Variants in PRKN observed in about 807,000 individuals in gnomAD.
PRKN encodes the protein parkin RBR E3 ubiquitin protein ligase.
Under a neutral mutation model 59.5 loss-of-function variants are expected in PRKN, and 56 were observed. The ratio of observed to expected loss-of-function variants is 0.94; its 90% CI spans 0.76 to 1.18. PRKN has a LOEUF of 1.18. Among genes scored for constraint, PRKN ranks in the 50% most tolerant of loss-of-function variants. The pLI, the probability that PRKN is intolerant of heterozygous loss-of-function variation, is 0.00. For missense variants in PRKN, 657 were observed against 596.4 expected (o/e 1.10, Z -1.06); for synonymous variants, 250 against 222.1 (o/e 1.13, Z -1.12).
intron 1 of PRKN, among the ~76,000 whole-genome samples, chr6:162,582,957 T>C (rs1780846002): frequency 6.6e-6 from 1 of 152,156 alleles, no homozygotes; most frequent in South Asian, 2.1e-4. Flanking sequence ...TTGGCTGCCA[T>C]TGTGACAGTG....
chr6:161,872,453 C>T (rs73603169), intron 6 of PRKN, among the ~76,000 whole-genome samples: 5,750 of 152,186 alleles, frequency 0.038, 367 homozygotes, highest in African/African-American at 0.13. Context: ...CCAATCTGTT[C>T]ATAAATTTGT....
intron 2 of PRKN, among the ~76,000 whole-genome samples, chr6:162,353,937 C>G (rs536561118): frequency 6.6e-6 from 1 of 152,272 alleles, no homozygotes; most frequent in African/African-American, 2.4e-5. Flanking sequence ...ACACTTACAA[C>G]TTAAGCATGC....
intron 4 of PRKN, among the ~76,000 whole-genome samples, chr6:162,199,939 T>C (rs1222889672): frequency 2.6e-5 from 4 of 152,098 alleles, no homozygotes; most frequent in Non-Finnish European, 1.5e-5. Flanking sequence ...CCAGATGAAA[T>C]GCGCCTTAAT....
In PRKN at chr6:162,368,169, C is replaced by G. The variant is rs182462225; in HGVS notation, c.171+75141G>C. Among the ~76,000 whole-genome samples, 7 of 152,200 alleles carry G rather than the reference C, an allele frequency of 4.6e-5. No homozygotes were observed. The East Asian group carries it at 1.4e-3, about 29-fold the overall frequency. ...TTGCGGAGCAGCACAAAGGGCGTGG[C>G]TGGGGAAGGGTTGGGAGAACAGGGA... is the stretch of plus-strand genomic sequence containing the variant. On this transcript the variant is annotated intron_variant, in intron 2 of 11. Coordinates refer to ENST00000366898, the MANE Select transcript of PRKN (RefSeq NM_004562.3).
chr6:162,568,605 A>G (rs918292326), intron 1 of PRKN: 1 of 886,212 alleles, frequency 1.1e-6, no homozygotes, highest in African/African-American at 1.6e-5. Flanking sequence ...CAGGACCCTC[A>G]ACAACAAGTT....
At position 161,968,187 on chromosome 6, in the gene PRKN, ATT is replaced by A. The variant is rs530441181; in HGVS notation, c.734+5113_734+5114del. Among the ~76,000 whole-genome samples the A allele has an allele frequency of 8.4e-3, 1,071 of 127,928 alleles. 13 individuals carry two copies. The highest frequency in any genetic ancestry group is 0.029 in the African/African-American group (965 of 33,344). The allele number at this position is 127,928 out of a possible 152,430, so 83.9% of individuals were successfully genotyped here. A position where few individuals can be genotyped will look rare whatever the true frequency, so the allele number is the denominator to read the frequency against. On this transcript the variant is annotated intron_variant, in intron 6 of 11. Transcript: ENST00000366898. ...AGGCGCGCGCCACCATGCCTGGCTA[ATT>A]TTTTTTTTTTTTTTTTTTTTGTATT...
intron 1 of PRKN, among the ~76,000 whole-genome samples, chr6:162,523,825 T>TG (rs1778169274): frequency 6.6e-6 from 1 of 152,110 alleles, no homozygotes; most frequent in African/African-American, 2.4e-5. Flanking sequence ...AAGACCAGCC[T>TG]GGGCAACATA....
In PRKN at chr6:162,152,105, T is replaced by C. The variant is rs181333268; in HGVS notation, c.534+49026A>G. 6.2e-4 allele frequency among the ~76,000 whole-genome samples: 95 copies of C among 152,274 alleles called. 1 individual carries two copies. Among genetic ancestry groups the C allele is most frequent in the African/African-American group, 2.1e-3 (87 of 41,570 alleles). The stretch of plus-strand genomic sequence containing the variant: ...GACATAACTTGTGGCTGCTCAACAG[T>C]AGAATTGGAAAGAAAGGCTCTTCTC... On this transcript the variant is annotated intron_variant, in intron 4 of 11. Transcript: ENST00000366898.
chr6:161,738,485 C>T (rs752469808), intron 7 of PRKN, among the ~76,000 whole-genome samples: 13 of 152,184 alleles, frequency 8.5e-5, no homozygotes, highest in Admixed American at 2.0e-4. Context: ...AAGGAAGTAA[C>T]ATGACATTAT....
intron 2 of PRKN, among the ~76,000 whole-genome samples, chr6:162,271,981 A>T (rs1410521791): frequency 6.6e-6 from 1 of 152,212 alleles, no homozygotes; most frequent in Non-Finnish European, 1.5e-5. Flanking sequence ...AATTACTGTG[A>T]AAGGTCAATT....
chr6:161,706,234 C>T (rs965009404), intron 7 of PRKN, among the ~76,000 whole-genome samples: 2 of 152,168 alleles, frequency 1.3e-5, no homozygotes, highest in African/African-American at 2.4e-5. Context: ...CTGAAGAAGC[C>T]CCACAGACCA....
At chr6:162,045,573 G>C (rs1378680997) in intron 5 of PRKN, among the ~76,000 whole-genome samples, 1 of 152,194 alleles carries the variant, frequency 6.6e-6, no homozygotes, top group Non-Finnish European at 1.5e-5. Flanking sequence ...TCTCAAGTTT[G>C]GTAAACTGGC....
chr6:162,582,039 T>G lies in PRKN; in HGVS notation c.8-138566A>C, dbSNP rs188304543. Among the ~76,000 whole-genome samples, 7 of 152,334 alleles carry G rather than the reference T, an allele frequency of 4.6e-5. No homozygotes were observed. The East Asian group carries it at 1.4e-3, about 29-fold the overall frequency. On this transcript the variant is annotated intron_variant, in intron 1 of 11. Coordinates refer to ENST00000366898, the MANE Select transcript of PRKN (RefSeq NM_004562.3). ...GATAAAAATTTGAATTATTTCCAAA[T>G]GCAGAGTGCTAACCACTATAGTCAA...
chr6:162,099,126 C>T (rs139420684), intron 4 of PRKN, among the ~76,000 whole-genome samples: 7 of 152,238 alleles, frequency 4.6e-5, no homozygotes, highest in Non-Finnish European at 1.0e-4. Context: ...TTTTTCCATG[C>T]CATTTCCAAC....
chr6:162,304,814 C>A (rs1782149973), intron 2 of PRKN, among the ~76,000 whole-genome samples: 1 of 123,292 alleles, frequency 8.1e-6, no homozygotes, highest in Non-Finnish European at 1.6e-5. Context: ...TCCACTCCAG[C>A]TGCTGCTGCC....
chr6:162,429,884 C>A (rs1789424481), intron 2 of PRKN, among the ~76,000 whole-genome samples: 1 of 152,128 alleles, frequency 6.6e-6, no homozygotes, highest in African/African-American at 2.4e-5. Context: ...TGCGTTTGAC[C>A]CGGCTCATCC....
chr6:161,723,138 A>ACGG (rs1787296144), intron 7 of PRKN, among the ~76,000 whole-genome samples: 8 of 151,154 alleles, frequency 5.3e-5, no homozygotes, highest in East Asian at 2.0e-4. Flanking sequence ...TGTGGAGGTG[A>ACGG]GTGCCTGTAA....
Position 162,584,279 on chromosome 6 carries a change from A to C in PRKN, c.8-140806T>G, listed in dbSNP as rs540708692. Among the ~76,000 whole-genome samples, 19 of 152,136 alleles carry C rather than the reference A, an allele frequency of 1.2e-4. No individual in the cohort carries two copies. In the South Asian group the frequency reaches 3.1e-3, roughly 25 times the overall value. On this transcript the variant is annotated intron_variant, in intron 1 of 11. Coordinates refer to ENST00000366898, the MANE Select transcript of PRKN (RefSeq NM_004562.3). ...AAAAAAACACTGACTATATTTACAT[A>C]TGCCTGGACAGAGAACATAGAACAC...
chr6:162,214,343 GA>G (rs1777541939), intron 3 of PRKN, among the ~76,000 whole-genome samples: 1 of 152,154 alleles, frequency 6.6e-6, no homozygotes, highest in Non-Finnish European at 1.5e-5. Context: ...AGTCAAGACA[GA>G]AACCACAGCA....
Sources: gnomAD v4.1 joint callset for allele counts (sites outside exome capture counted in the v4.1 genomes callset) on GRCh38, gnomAD v4.1.1 for gene constraint, MANE v1.5 for transcripts, NCBI Gene and HGNC (gene_info 2026-07-23, HGNC 2026-07-21) for gene names.